Variants in MARCHF1 observed in about 807,000 individuals in gnomAD.
The protein encoded by MARCHF1 is E3 ubiquitin-protein ligase MARCHF1.
In MARCHF1, 40 loss-of-function variants were observed where a neutral mutation model predicts 54.2. That is an observed-to-expected ratio of 0.74 (90% CI 0.57 to 0.96). The LOEUF (loss-of-function observed/expected upper bound fraction) is 0.96, where lower values mean the gene tolerates loss of function less well. Ranked by LOEUF, MARCHF1 falls within the 40% of genes least tolerant of loss-of-function variation. The pLI, the probability that MARCHF1 is intolerant of heterozygous loss-of-function variation, is 0.00. For missense variants in MARCHF1, 586 were observed against 656.5 expected, an observed-to-expected ratio of 0.89 and a Z score of 1.17; for synonymous variants, 236 against 236.3, an observed-to-expected ratio of 1.00 and a Z score of 0.01.
chr4:163,931,062 T>C (rs11735021), intron 3 of MARCHF1, among the ~76,000 whole-genome samples: 17,790 of 152,070 alleles, frequency 0.12, 1,086 homozygotes, highest in Non-Finnish European at 0.13. Flanking sequence ...TTTGCTGGCT[T>C]TCTAAGAAGA....
At chr4:164,260,243 T>C (rs1733426106) in intron 1 of MARCHF1, among the ~76,000 whole-genome samples, 3 of 152,124 alleles carry the variant, frequency 2.0e-5, no homozygotes, top group South Asian at 2.1e-4. Flanking sequence ...TTCAGTGCTA[T>C]TGCTGCTCCC....
chr4:164,196,489 G>A (rs1321986098), intron 1 of MARCHF1, among the ~76,000 whole-genome samples: 1 of 151,996 alleles, frequency 6.6e-6, no homozygotes, highest in East Asian at 1.9e-4. Flanking sequence ...TTTAAAAATA[G>A]AATTTGCTTT....
At position 164,081,745 on chromosome 4, in the gene MARCHF1, C is replaced by G. The variant is rs546840709; in HGVS notation, c.-248+29843G>C. On this transcript the variant is annotated intron_variant, in intron 2 of 9. Coordinates refer to ENST00000514618, the MANE Select transcript of MARCHF1 (RefSeq NM_001394959.1). ...ACACATGCACACACACACACATACA[C>G]ACACAAATACAGAAACCAGATCATT... Among the ~76,000 whole-genome samples the G allele has an allele frequency of 2.3e-3, 350 of 152,260 alleles. 2 individuals are homozygous for G. Among genetic ancestry groups the G allele is most frequent in the African/African-American group, 8.0e-3 (331 of 41,564 alleles).
chr4:164,158,294 G>T (rs1264830862), intron 1 of MARCHF1, among the ~76,000 whole-genome samples: 1 of 152,138 alleles, frequency 6.6e-6, no homozygotes, highest in African/African-American at 2.4e-5. Context: ...AAGTGATAAT[G>T]CCTATGTATT....
chr4:163,879,001 G>C (rs1253923065), intron 3 of MARCHF1, among the ~76,000 whole-genome samples: 2 of 152,040 alleles, frequency 1.3e-5, no homozygotes. Context: ...AACTAGCAAA[G>C]GGCAACCAGC....
At chr4:164,098,519 T>C (rs557701106) in intron 2 of MARCHF1, among the ~76,000 whole-genome samples, 2 of 152,342 alleles carry the variant, frequency 1.3e-5, no homozygotes, top group South Asian at 4.1e-4. Context: ...TTCAGTCTTA[T>C]TTCATGCTGT....
intron 5 of MARCHF1, among the ~76,000 whole-genome samples, chr4:163,688,807 G>A (rs528698767): frequency 2.6e-5 from 4 of 151,990 alleles, no homozygotes; most frequent in African/African-American, 4.8e-5. Context: ...AATGATGGAC[G>A]GATAGACTTT....
At chr4:163,774,981 T>C (rs1477092451) in intron 4 of MARCHF1, among the ~76,000 whole-genome samples, 1 of 152,140 alleles carries the variant, frequency 6.6e-6, no homozygotes, top group Admixed American at 6.6e-5. Context: ...AAAGGTCATG[T>C]CACGTCACTT....
chr4:163,886,152 G>T (rs963030399), intron 3 of MARCHF1, among the ~76,000 whole-genome samples: 3 of 148,824 alleles, frequency 2.0e-5, no homozygotes, highest in African/African-American at 7.4e-5. Flanking sequence ...TAAATATGTA[G>T]ATCTATAAAT....
chr4:164,199,860 TGAACCTGC>T lies in MARCHF1; in HGVS notation c.-322-88206_-322-88199del, dbSNP rs1245016349. ...TGACATATATGGGGCTCTGTGCCCT[TGAACCTGC>T]ATATGTCTTCAGTCTTTGCTCCCAT... On this transcript the variant is annotated intron_variant, in intron 1 of 9. Coordinates refer to ENST00000514618, the MANE Select transcript of MARCHF1 (RefSeq NM_001394959.1). 7.9e-5 allele frequency among the ~76,000 whole-genome samples: 12 copies of T among 152,322 alleles called. No individual in the cohort carries two copies. In the South Asian group the frequency reaches 2.5e-3, roughly 32 times the overall value.
At chr4:164,189,164 T>C in intron 1 of MARCHF1, 1 of 581,226 alleles carries the variant, frequency 1.7e-6, no homozygotes, top group Non-Finnish European at 3.2e-6. Flanking sequence ...TAGCGTGTCA[T>C]GGAACATTTC....
intron 1 of MARCHF1, among the ~76,000 whole-genome samples, chr4:164,126,199 A>C (rs1204335231): frequency 1.3e-5 from 2 of 152,164 alleles, no homozygotes; most frequent in African/African-American, 2.4e-5. Flanking sequence ...AGAGAGTGAG[A>C]CATTTAGGAG....
At chr4:164,080,974 C>T (rs1017026821) in intron 2 of MARCHF1, among the ~76,000 whole-genome samples, 3 of 150,428 alleles carry the variant, frequency 2.0e-5, no homozygotes, top group African/African-American at 7.3e-5. Flanking sequence ...TTTGGGAGGC[C>T]GAGGCGGGTG....
At chr4:164,113,629 C>T (rs375467326) in intron 1 of MARCHF1, among the ~76,000 whole-genome samples, 7 of 151,698 alleles carry the variant, frequency 4.6e-5, no homozygotes, top group Non-Finnish European at 1.0e-4. Flanking sequence ...TTAGGTGAAT[C>T]GTGAGAAAAA....
intron 7 of MARCHF1, among the ~76,000 whole-genome samples, chr4:163,590,992 G>A (rs1195851520): frequency 6.6e-6 from 1 of 151,588 alleles, no homozygotes; most frequent in Non-Finnish European, 1.5e-5. Context: ...GAATAGTGGT[G>A]ATAGACTATT....
intron 3 of MARCHF1, among the ~76,000 whole-genome samples, chr4:163,926,694 A>G (rs1383208983): frequency 6.6e-6 from 1 of 151,670 alleles, no homozygotes; most frequent in African/African-American, 2.4e-5. Flanking sequence ...TATTACTAGT[A>G]GAAACTCATT....
In MARCHF1 at chr4:164,238,402, CA is replaced by C. The variant is rs1023892664; in HGVS notation, c.-322-126741del. Among the ~76,000 whole-genome samples, 11 of 151,978 alleles carry C rather than the reference CA, an allele frequency of 7.2e-5. 1 individual carries two copies. The highest frequency in any genetic ancestry group is 2.7e-4 in the African/African-American group (11 of 41,412). ...CTGACATTTTCCAGATTTTGCATAC[CA>C]AATATTCTGCAAAGTTCAATTTGCA... On this transcript the variant is annotated intron_variant, in intron 1 of 9. Transcript: ENST00000514618.
intron 1 of MARCHF1, among the ~76,000 whole-genome samples, chr4:164,231,732 C>T (rs959435141): frequency 1.1e-4 from 16 of 152,112 alleles, no homozygotes; most frequent in African/African-American, 7.2e-5. Flanking sequence ...AAATAACCAA[C>T]ATTAAAGTAT....
At chr4:164,025,767 G>A (rs1170685479) in intron 2 of MARCHF1, among the ~76,000 whole-genome samples, 2 of 150,570 alleles carry the variant, frequency 1.3e-5, no homozygotes, top group Non-Finnish European at 3.0e-5. Context: ...AAAAATCCAT[G>A]CAAAAGATCA....
Sources: allele counts gnomAD v4.1 joint callset (sites outside exome capture counted in the v4.1 genomes callset), GRCh38; gene constraint gnomAD v4.1.1; transcripts MANE v1.5; gene names NCBI Gene and HGNC (gene_info 2026-07-23, HGNC 2026-07-21).